The following S100P variants were observed in gnomAD, a reference collection of about 807,000 sequenced individuals.
S100P encodes protein S100-P.
S100P carries 7 observed loss-of-function variants against 4.7 expected under a neutral mutation model. The observed-to-expected ratio is 1.48, with a 90% CI of 0.84 to 2.77. S100P has a LOEUF of 2.77. S100P is among the 30% of genes most tolerant of loss of function. The probability of loss-of-function intolerance (pLI) is 0.00; values close to 1 mark genes in which losing one functional copy is unlikely to be tolerated. For synonymous variants in S100P, 48 were observed against 49.0 expected, an observed-to-expected ratio of 0.98 and a Z score of 0.08; for missense variants, 122 against 120.6, an observed-to-expected ratio of 1.01 and a Z score of -0.06.
Position 6,693,937 on chromosome 4 carries a change from C to T in S100P, c.5C>T (p.Thr2Met), listed in dbSNP as rs149531491. ...GGTGGGTCTGAATCTAGCACCATGA[C>T]GGAACTAGAGACAGCCATGGGCATG... M[T>M]ELETAMGMII... The change falls in exon 1 of 2, where the codon ACG (threonine) becomes ATG (methionine). Residue 2 changes from threonine to methionine, a missense_variant. Thr to Met is a moderately conservative substitution (Grantham distance 81). Transcript: ENST00000296370. 5.6e-6 allele frequency: 9 copies of T among 1,613,994 alleles called. No homozygotes were observed. Among genetic ancestry groups the T allele is most frequent in the Admixed American group, 3.3e-5 (2 of 59,998 alleles).
At chr4:6,694,205 C>A (rs1299911946) in intron 1 of S100P, 135 bp downstream of exon 1, 2 of 859,032 alleles carry the variant, frequency 2.3e-6, no homozygotes, top group African/African-American at 1.7e-5. Context: ...TCCTGAAATG[C>A]CCTGGAAGCC....
At chr4:6,695,764 C>A (rs570515552) in intron 1 of S100P, among the ~76,000 whole-genome samples, 16 of 152,314 alleles carry the variant, frequency 1.1e-4, no homozygotes, top group African/African-American at 3.8e-4. Flanking sequence ...CTGCTGAAGC[C>A]CAGCAAAGCC....
intron 1 of S100P, among the ~76,000 whole-genome samples, chr4:6,695,970 T>G (rs1428330084): frequency 6.6e-6 from 1 of 152,252 alleles, no homozygotes; most frequent in Non-Finnish European, 1.5e-5. Flanking sequence ...CACTATTTGT[T>G]TGCTATTGAA....
At position 6,694,101 on chromosome 4, in the gene S100P, G is replaced by A. The variant is rs201438904; in HGVS notation, c.138+31G>A. ...CCAGGCCGGCAGTGCTGGACTCAGC[G>A]GGGGCTGGGGAAGAAGGGGAAGGCG... On this transcript the variant is annotated intron_variant, in intron 1 of 1. Transcript: ENST00000296370. 9.0e-4 allele frequency: 1,424 copies of A among 1,575,104 alleles called. 2 individuals carry two copies. Among genetic ancestry groups the A allele is most frequent in the Non-Finnish European group, 1.1e-3 (1,221 of 1,160,360 alleles).
chr4:6,693,891 C>A lies in S100P; in HGVS notation c.-42C>A. 1.2e-6 allele frequency: 2 copies of A among 1,613,364 alleles called. No homozygotes were observed. Among genetic ancestry groups the A allele is most frequent in the Non-Finnish European group, 1.7e-6 (2 of 1,179,532 alleles). ...GCTGCCAGTGGGACATTTTCTCGGCCCTGCCAGCCCCCAGGAGGAAGGTGG... is the reference window on the plus strand; with the variant it reads ...GCTGCCAGTGGGACATTTTCTCGGCACTGCCAGCCCCCAGGAGGAAGGTGG... On this transcript the variant is annotated 5_prime_UTR_variant, in exon 1 of 2. Transcript: ENST00000296370.
chr4:6,695,158 G>A (rs1714341512), intron 1 of S100P, among the ~76,000 whole-genome samples: 2 of 151,950 alleles, frequency 1.3e-5, no homozygotes, highest in South Asian at 4.1e-4. Context: ...TAGAGACAAG[G>A]TCTCACCATG....
rs752424360 is a variant in S100P, at chr4:6,693,917, G to C, written c.-16G>C. ...CTGCCAGCCCCCAGGAGGAAGGTGG[G>C]TCTGAATCTAGCACCATGACGGAAC... On this transcript the variant is annotated 5_prime_UTR_variant, in exon 1 of 2. Transcript: ENST00000296370. 6 of 1,614,020 alleles carry C rather than the reference G, an allele frequency of 3.7e-6. No homozygotes were observed. The Admixed American group carries it at 1.0e-4, about 27-fold the overall frequency.
intron 1 of S100P, among the ~76,000 whole-genome samples, chr4:6,694,881 A>G (rs1005850682): frequency 2.6e-5 from 4 of 152,230 alleles, no homozygotes; most frequent in Non-Finnish European, 4.4e-5. Context: ...CTGATAATCA[A>G]AAATGAAAGC....
chr4:6,695,748 C>T (rs547547182), intron 1 of S100P, among the ~76,000 whole-genome samples: 3 of 152,314 alleles, frequency 2.0e-5, no homozygotes, highest in East Asian at 1.9e-4. Context: ...GCCCTCCCTC[C>T]GGAGGCTGCT....
chr4:6,696,904 C>A lies in S100P; in HGVS notation c.150C>A (p.Asp50Glu), dbSNP rs751018967. ...ELPGFLQSGK[D>E]KDAVDKLLKD... ...TCTCTCTCCTCTAGAGTGGAAAAGA[C>A]AAGGATGCCGTGGATAAATTGCTCA... Residue 50 changes from aspartate to glutamate, a missense_variant, in exon 2 of 2, where the codon GAC becomes GAA. Physicochemically the swap from Asp to Glu is conservative, Grantham distance 45. Transcript: ENST00000296370. 3.1e-6 allele frequency: 5 copies of A among 1,613,664 alleles called. No individual in the cohort carries two copies. The highest frequency in any genetic ancestry group is 4.2e-6 in the Non-Finnish European group (5 of 1,179,710).
At chr4:6,694,734 T>C (rs1412718233) in intron 1 of S100P, among the ~76,000 whole-genome samples, 1 of 152,048 alleles carries the variant, frequency 6.6e-6, no homozygotes, top group Non-Finnish European at 1.5e-5. Context: ...ACAGAAGCCG[T>C]ACCCTCTCCA....
In S100P at chr4:6,696,890, T is replaced by C. The variant is rs746368083; in HGVS notation, c.139-3T>C. On this transcript the variant is annotated splice_region_variant and splice_polypyrimidine_tract_variant and intron_variant, in intron 1 of 1. Transcript: ENST00000296370. Reference sequence around the variant, plus strand: ...GCTGACCTTGAGCCTCTCTCTCCTCTAGAGTGGAAAAGACAAGGATGCCGT... The same window carrying C: ...GCTGACCTTGAGCCTCTCTCTCCTCCAGAGTGGAAAAGACAAGGATGCCGT... 6.2e-7 allele frequency: 1 copy of C among 1,612,890 alleles called. No individual in the cohort carries two copies. The highest frequency in any genetic ancestry group is 1.1e-5 in the South Asian group (1 of 90,970).
rs761044965 is a variant in S100P at position 6,693,967 on chromosome 4, T to C, written c.35T>C (p.Ile12Thr). 3.1e-6 allele frequency: 5 copies of C among 1,614,184 alleles called. No homozygotes were observed. The highest frequency in any genetic ancestry group is 1.1e-5 in the South Asian group (1 of 91,086). The change falls in exon 1 of 2, where the codon ATA (isoleucine) becomes ACA (threonine). Residue 12 changes from isoleucine to threonine, a missense_variant. Coordinates refer to ENST00000296370, the MANE Select transcript of S100P (RefSeq NM_005980.3). The stretch of plus-strand genomic sequence containing the variant: ...CTAGAGACAGCCATGGGCATGATCA[T>C]AGACGTCTTTTCCCGATATTCGGGC... ...TELETAMGMI[I>T]DVFSRYSGSE...
rs201847300 is a variant in S100P, at chr4:6,697,079, G to A, written c.*37G>A. On this transcript the variant is annotated 3_prime_UTR_variant, in exon 2 of 2. Coordinates refer to ENST00000296370, the MANE Select transcript of S100P (RefSeq NM_005980.3). ...TGTCACAGATTCCTGGCAGAGCCAT[G>A]GTCCCAGGCTTCCCAAAAGTGTTTG... 1.9e-6 allele frequency: 3 copies of A among 1,573,146 alleles called. No homozygotes were observed. The highest frequency in any genetic ancestry group is 2.3e-5 in the East Asian group (1 of 44,044).
chr4:6,695,974 T>C (rs1195318065), intron 1 of S100P, among the ~76,000 whole-genome samples: 1 of 152,268 alleles, frequency 6.6e-6, no homozygotes, highest in Non-Finnish European at 1.5e-5. Context: ...ATTTGTTTGC[T>C]ATTGAATTTG....
At chr4:6,695,728 GC>G (rs1201548637) in intron 1 of S100P, among the ~76,000 whole-genome samples, 1 of 152,204 alleles carries the variant, frequency 6.6e-6, no homozygotes, top group Non-Finnish European at 1.5e-5. Flanking sequence ...GGCCCTGGGT[GC>G]CCTTCTCAGC....
Position 6,693,984 on chromosome 4 carries a change from T to C in S100P, c.52T>C (p.Tyr18His). 6.2e-7 allele frequency: 1 copy of C among 1,614,140 alleles called. No individual in the cohort carries two copies. The highest frequency in any genetic ancestry group is 1.1e-5 in the South Asian group (1 of 91,084). Residue 18 changes from tyrosine (Y) to histidine (H), a missense_variant, in exon 1 of 2, where the codon TAT becomes CAT. By Grantham distance (83) the Tyr-to-His change is moderately conservative (BLOSUM62 2). Transcript: ENST00000296370. ...MGMIIDVFSR[Y>H]SGSEGSTQTL... ...CATGATCATAGACGTCTTTTCCCGA[T>C]ATTCGGGCAGCGAGGGCAGCACGCA... is the stretch of plus-strand genomic sequence containing the variant.
At chr4:6,696,430 G>A (rs1486924262) in intron 1 of S100P, among the ~76,000 whole-genome samples, 3 of 152,170 alleles carry the variant, frequency 2.0e-5, no homozygotes, top group Non-Finnish European at 4.4e-5. Context: ...GTAACAGGGC[G>A]ATGCCTCTGC....
At chr4:6,694,651 A>G (rs983632296) in intron 1 of S100P, among the ~76,000 whole-genome samples, 1 of 152,194 alleles carries the variant, frequency 6.6e-6, no homozygotes, top group African/African-American at 2.4e-5. Context: ...CACCGGCCTG[A>G]GCCTCACAGA....
Sources: gnomAD v4.1 joint callset for allele counts (sites outside exome capture counted in the v4.1 genomes callset) on GRCh38, gnomAD v4.1.1 for gene constraint, MANE v1.5 for transcripts, NCBI Gene and HGNC (gene_info 2026-07-23, HGNC 2026-07-21) for gene names.